Variants in CNTNAP2 observed in about 807,000 individuals in gnomAD.
CNTNAP2 encodes contactin-associated protein-like 2.
A neutral mutation model predicts 155.2 loss-of-function variants in CNTNAP2; 98 were observed. The ratio of observed to expected loss-of-function variants is 0.63; its 90% CI spans 0.54 to 0.75. The LOEUF is 0.75. Ranked by LOEUF, CNTNAP2 falls within the 30% of genes least tolerant of loss-of-function variation. The pLI, the probability that CNTNAP2 is intolerant of heterozygous loss-of-function variation, is 0.00. For synonymous variants in CNTNAP2, 651 were observed against 631.2 expected, an observed-to-expected ratio of 1.03 and a Z score of -0.47; for missense variants, 1,727 against 1,688.1, an observed-to-expected ratio of 1.02 and a Z score of -0.40.
intron 15 of CNTNAP2, among the ~76,000 whole-genome samples, chr7:148,082,114 AAAG>A (rs1803620655): frequency 6.6e-6 from 1 of 152,088 alleles, no homozygotes; most frequent in Non-Finnish European, 1.5e-5. Context: ...GCCGGCTTTT[AAAG>A]AAGGGCATTG....
At chr7:147,319,779 C>G (rs933061749) in intron 9 of CNTNAP2, among the ~76,000 whole-genome samples, 2 of 152,102 alleles carry the variant, frequency 1.3e-5, no homozygotes, top group South Asian at 2.1e-4. Context: ...TTAGGATAGT[C>G]TTCAGCTATA....
chr7:147,918,043 C>A (rs562111416), intron 14 of CNTNAP2, among the ~76,000 whole-genome samples: 2 of 152,350 alleles, frequency 1.3e-5, no homozygotes, highest in East Asian at 3.9e-4. Flanking sequence ...TTTGCCCACA[C>A]CCCTCATGTC....
chr7:146,289,267 T>C (rs1187501110), intron 1 of CNTNAP2, among the ~76,000 whole-genome samples: 4 of 152,232 alleles, frequency 2.6e-5, no homozygotes, highest in Non-Finnish European at 5.9e-5. Context: ...TAAGAAGGCA[T>C]ATTTTATGTT....
chr7:147,801,564 G>C (rs1797986115), intron 13 of CNTNAP2, among the ~76,000 whole-genome samples: 1 of 151,752 alleles, frequency 6.6e-6, no homozygotes, highest in Non-Finnish European at 1.5e-5. Flanking sequence ...GTTTAACAAA[G>C]CACATCTTGC....
intron 1 of CNTNAP2, among the ~76,000 whole-genome samples, chr7:146,357,717 T>A (rs1282535237): frequency 6.6e-6 from 1 of 152,184 alleles, no homozygotes; most frequent in Non-Finnish European, 1.5e-5. Context: ...TTATATCTTA[T>A]AGGTAAGATA....
chr7:146,772,502 CAAAAA>C (rs71165037), intron 1 of CNTNAP2, among the ~76,000 whole-genome samples: 1 of 96,236 alleles, frequency 1.0e-5, no homozygotes, highest in Non-Finnish European at 2.4e-5. Context: ...ACTGAAAATA[CAAAAA>C]AAAAAAAAAA....
chr7:148,275,907 A>G (rs1465341517), intron 21 of CNTNAP2, among the ~76,000 whole-genome samples: 1 of 152,166 alleles, frequency 6.6e-6, no homozygotes, highest in Non-Finnish European at 1.5e-5. Flanking sequence ...GCAAAGAAAC[A>G]TGCCATGGGA....
chr7:146,210,817 A>G (rs1355811264), intron 1 of CNTNAP2, among the ~76,000 whole-genome samples: 1 of 150,598 alleles, frequency 6.6e-6, no homozygotes, highest in East Asian at 1.9e-4. Flanking sequence ...GTTGTCGGGT[A>G]AGACAGACAA....
intron 22 of CNTNAP2, among the ~76,000 whole-genome samples, chr7:148,396,972 C>T (rs1354180490): frequency 1.3e-5 from 2 of 152,000 alleles, no homozygotes; most frequent in Admixed American, 6.6e-5. Flanking sequence ...CAATCATTGA[C>T]GGGAATTTTA....
At chr7:147,983,719 A>T (rs945615360) in intron 15 of CNTNAP2, among the ~76,000 whole-genome samples, 32 of 152,240 alleles carry the variant, frequency 2.1e-4, no homozygotes, top group African/African-American at 7.2e-4. Context: ...AGATTGGTTA[A>T]AAGAGTTAAG....
intron 4 of CNTNAP2, among the ~76,000 whole-genome samples, chr7:147,077,960 A>G (rs1029690149): frequency 6.6e-6 from 1 of 152,140 alleles, no homozygotes; most frequent in Non-Finnish European, 1.5e-5. Context: ...TACTTTTTAC[A>G]TTTTCAGGCT....
At chr7:147,291,258 C>A (rs1805303239) in intron 8 of CNTNAP2, among the ~76,000 whole-genome samples, 1 of 151,900 alleles carries the variant, frequency 6.6e-6, no homozygotes, top group Non-Finnish European at 1.5e-5. Context: ...ACCTATCAAC[C>A]CATCATCTAG....
intron 8 of CNTNAP2, among the ~76,000 whole-genome samples, chr7:147,192,165 A>G (rs1802692256): frequency 6.6e-6 from 1 of 152,216 alleles, no homozygotes; most frequent in Non-Finnish European, 1.5e-5. Context: ...CAGCCAAAGC[A>G]TGAAGGAAGT....
At chr7:147,290,293 TA>T (rs1805274491) in intron 8 of CNTNAP2, among the ~76,000 whole-genome samples, 1 of 152,146 alleles carries the variant, frequency 6.6e-6, no homozygotes, top group East Asian at 1.9e-4. Context: ...GTAAGGCACA[TA>T]ACAGCTTTAA....
intron 1 of CNTNAP2, among the ~76,000 whole-genome samples, chr7:146,527,816 C>A (rs1797713335): frequency 6.7e-6 from 1 of 150,102 alleles, no homozygotes; most frequent in African/African-American, 2.5e-5. Context: ...TAAATGTTAT[C>A]AAATCATTTA....
intron 13 of CNTNAP2, among the ~76,000 whole-genome samples, chr7:147,642,438 C>G (rs940839463): frequency 6.6e-6 from 1 of 151,946 alleles, no homozygotes; most frequent in African/African-American, 2.4e-5. Context: ...TTTAGTGCTC[C>G]TGGTCTTGCA....
chr7:148,331,266 ATGGAGTGG>A (rs1160726076), intron 21 of CNTNAP2, among the ~76,000 whole-genome samples: 3 of 135,660 alleles, frequency 2.2e-5, no homozygotes, highest in Non-Finnish European at 4.7e-5. Context: ...GGATGGATGG[ATGGAGTGG>A]ACGGATGGAG....
At chr7:146,984,625 G>A (rs960946217) in intron 3 of CNTNAP2, among the ~76,000 whole-genome samples, 2 of 152,132 alleles carry the variant, frequency 1.3e-5, no homozygotes, top group Non-Finnish European at 2.9e-5. Flanking sequence ...AGGGGCTGGT[G>A]TCCTACATCT....
chr7:147,776,984 T>C (rs1160069671), intron 13 of CNTNAP2, among the ~76,000 whole-genome samples: 2 of 152,192 alleles, frequency 1.3e-5, no homozygotes, highest in East Asian at 3.9e-4. Flanking sequence ...AGTACATGTC[T>C]CAAAAAAAGA....
Sources: allele counts gnomAD v4.1 joint callset (sites outside exome capture counted in the v4.1 genomes callset), GRCh38; gene constraint gnomAD v4.1.1; transcripts MANE v1.5; gene names NCBI Gene and HGNC (gene_info 2026-07-23, HGNC 2026-07-21).